Variants in UBE2B observed in about 807,000 individuals in gnomAD.
The protein encoded by UBE2B is ubiquitin-conjugating enzyme E2 B.
In UBE2B, 11 loss-of-function variants were observed where a neutral mutation model predicts 24.6. The ratio of observed to expected loss-of-function variants is 0.45; its 90% CI spans 0.28 to 0.74. The LOEUF (loss-of-function observed/expected upper bound fraction) is 0.74. UBE2B is among the 30% of genes least tolerant of loss of function. The pLI, the probability that UBE2B is intolerant of heterozygous loss-of-function variation, is 0.13. For missense variants in UBE2B, 78 were observed against 185.6 expected, an observed-to-expected ratio of 0.42 and a Z score of 3.37; for synonymous variants, 68 against 62.4, an observed-to-expected ratio of 1.09 and a Z score of -0.42.
rs185561979 is a variant in UBE2B, at chr5:134,380,596, C to T, written c.152-123C>T. On this transcript the variant is annotated intron_variant, in intron 3 of 5. Transcript: ENST00000265339. ...AGTATATTTAGGATGTTTTGTATGC[C>T]GAACCAACGTTGACATACTAACTTT... 7.4e-5 allele frequency: 48 copies of T among 644,516 alleles called. No homozygotes were observed. In the Admixed American group the frequency reaches 1.0e-3, roughly 14 times the overall value. The allele number at this position is 644,516 out of a possible 1,614,324, so 39.9% of individuals were successfully genotyped here. A position where few individuals can be genotyped will look rare whatever the true frequency, so the allele number is the denominator to read the frequency against.
chr5:134,381,068 G>C (rs1337454236), intron 4 of UBE2B, among the ~76,000 whole-genome samples: 1 of 142,002 alleles, frequency 7.0e-6, no homozygotes. Context: ...CCGGGTTCAC[G>C]CCATTCTCCT....
chr5:134,386,215 C>T (rs773399623), intron 4 of UBE2B, among the ~76,000 whole-genome samples: 3 of 150,130 alleles, frequency 2.0e-5, no homozygotes, highest in Non-Finnish European at 4.4e-5. Flanking sequence ...GTGATCCCAG[C>T]TACTCGGGAG....
At chr5:134,380,954 GATTTT>G in intron 4 of UBE2B, 146 bp downstream of exon 4, 1 of 218,746 alleles carries the variant, frequency 4.6e-6, no homozygotes, top group Non-Finnish European at 8.3e-6. Context: ...TTTTGTTGTG[GATTTT>G]TTTTTTTTTT....
rs1554114519 is a variant in UBE2B, at chr5:134,383,473, C to CTATTTTTTT, written c.241+2666_241+2667insATTTTTTTT. Reference sequence around the variant, plus strand: ...TGCAGATGTGTGCCACCATACCCAGCTTTTTTTTTTTTTTTTTTTTTTTTT... The same window carrying CTATTTTTTT: ...TGCAGATGTGTGCCACCATACCCAGCTATTTTTTTTTTTTTTTTTTTTTTTTTTTTTTTT... On this transcript the variant is annotated intron_variant, in intron 4 of 5. Coordinates refer to ENST00000265339, the MANE Select transcript of UBE2B (RefSeq NM_003337.4). 1.0e-4 allele frequency among the ~76,000 whole-genome samples: 8 copies of CTATTTTTTT among 80,040 alleles called. 1 individual carries two copies. Among genetic ancestry groups the CTATTTTTTT allele is most frequent in the African/African-American group, 4.3e-4 (8 of 18,438 alleles). 52.5% of individuals were successfully genotyped at this position (80,040 alleles called of 152,430 possible).
intron 3 of UBE2B, among the ~76,000 whole-genome samples, chr5:134,378,516 C>G (rs1758648487): frequency 1.3e-5 from 2 of 152,164 alleles, no homozygotes; most frequent in African/African-American, 4.8e-5. Flanking sequence ...CCCACCTTGG[C>G]CACCCGAAGT....
Position 134,376,322 on chromosome 5 carries a change from C to CAA in UBE2B, c.126-321_126-320dup, listed in dbSNP as rs1176500916. 2.7e-3 allele frequency among the ~76,000 whole-genome samples: 20 copies of CAA among 7,464 alleles called. 2 individuals are homozygous for CAA. Among genetic ancestry groups the CAA allele is most frequent in the African/African-American group, 6.0e-3 (14 of 2,332 alleles). The allele number at this position is 7,464 out of a possible 152,430, so 4.9% of individuals were successfully genotyped here. A position where few individuals can be genotyped will look rare whatever the true frequency, so the allele number is the denominator to read the frequency against. On this transcript the variant is annotated intron_variant, in intron 2 of 5. Transcript: ENST00000265339. The stretch of plus-strand genomic sequence containing the variant: ...GGGGGACAAGAGCAAAACTCCGTCT[C>CAA]AAAAAAAAAAAAAAAAAAAAAAAAA...
intron 4 of UBE2B, among the ~76,000 whole-genome samples, chr5:134,386,607 G>A (rs983108389): frequency 6.6e-6 from 1 of 151,552 alleles, no homozygotes; most frequent in Non-Finnish European, 1.5e-5. Flanking sequence ...ACTCCATCCT[G>A]GGCAACAAGA....
At chr5:134,388,825 A>G (rs1477202046) in intron 5 of UBE2B, among the ~76,000 whole-genome samples, 2 of 152,272 alleles carry the variant, frequency 1.3e-5, no homozygotes, top group East Asian at 1.9e-4. Context: ...AGATCTTTGA[A>G]TGAAAATTTA....
intron 3 of UBE2B, among the ~76,000 whole-genome samples, chr5:134,378,822 G>T (rs570577711): frequency 6.6e-6 from 1 of 151,760 alleles, no homozygotes; most frequent in Non-Finnish European, 1.5e-5. Flanking sequence ...CCAGCTACTC[G>T]GGAGACTGAG....
chr5:134,375,753 T>C (rs1314667100), intron 2 of UBE2B, among the ~76,000 whole-genome samples: 1 of 140,444 alleles, frequency 7.1e-6, no homozygotes, highest in Non-Finnish European at 1.5e-5. Context: ...TGAGCCGAGA[T>C]TGCGCCACTG....
At chr5:134,378,259 G>A (rs34116834) in intron 3 of UBE2B, among the ~76,000 whole-genome samples, 2 of 151,586 alleles carry the variant, frequency 1.3e-5, no homozygotes, top group African/African-American at 2.4e-5. Flanking sequence ...ATCTATGTGG[G>A]TTTTTTTTGT....
At chr5:134,386,096 G>T in intron 4 of UBE2B, among the ~76,000 whole-genome samples, 1 of 151,536 alleles carries the variant, frequency 6.6e-6, no homozygotes. Flanking sequence ...GGAGACCGAG[G>T]TGGGCAGATC....
At chr5:134,371,742 C>G in intron 1 of UBE2B, 103 bp downstream of exon 1, 1 of 1,532,516 alleles carries the variant, frequency 6.5e-7, no homozygotes, top group Non-Finnish European at 8.9e-7. Context: ...AGAGGGCCGG[C>G]TGTGGGCCCA....
At chr5:134,383,848 T>G (rs1430497604) in intron 4 of UBE2B, among the ~76,000 whole-genome samples, 1 of 152,110 alleles carries the variant, frequency 6.6e-6, no homozygotes, top group African/African-American at 2.4e-5. Context: ...TAGACTAAGT[T>G]TTTTAAACGT....
chr5:134,389,551 CT>C (rs985767264), intron 5 of UBE2B, among the ~76,000 whole-genome samples: 162 of 139,404 alleles, frequency 1.2e-3, no homozygotes, highest in Non-Finnish European at 1.6e-3. Context: ...TTTCTTTTTT[CT>C]TTTTTTTTTT....
chr5:134,381,366 C>T (rs1758707019), intron 4 of UBE2B, among the ~76,000 whole-genome samples: 1 of 152,166 alleles, frequency 6.6e-6, no homozygotes, highest in Non-Finnish European at 1.5e-5. Flanking sequence ...AGTAATCCTC[C>T]TGCCTCAGAC....
At position 134,388,408 on chromosome 5, in the gene UBE2B, A is replaced by G. The variant is rs370904887; in HGVS notation, c.325A>G (p.Ile109Val). 5 of 1,613,138 alleles carry G rather than the reference A, an allele frequency of 3.1e-6. No homozygotes were observed. The highest frequency in any genetic ancestry group is 2.2e-5 in the East Asian group (1 of 44,868). The change falls in exon 5 of 6, where the codon ATT becomes GTT. Residue 109 changes from isoleucine (I) to valine (V), a missense_variant. Ile to Val is a conservative substitution (Grantham distance 29, BLOSUM62 3). Transcript: ENST00000265339. The stretch of plus-strand genomic sequence containing the variant: ...TGATGTATCTTCTATCTTAACATCA[A>G]TTCAGGTAAGTGTGTGTTAGGATGT... ...TYDVSSILTS[I>V]QSLLDEPNPN...
intron 2 of UBE2B, among the ~76,000 whole-genome samples, chr5:134,376,251 G>A (rs1406222107): frequency 6.4e-5 from 9 of 140,870 alleles, no homozygotes; most frequent in Admixed American, 5.9e-4. Context: ...GAATCCAGGA[G>A]AAGGAGGTTG....
At chr5:134,380,874 T>C (rs924396375) in intron 4 of UBE2B, 66 bp downstream of exon 4, 1 of 1,089,114 alleles carries the variant, frequency 9.2e-7, no homozygotes, top group African/African-American at 1.6e-5. Context: ...TCCTTTTAGC[T>C]CTTTCACCTT....
Sources: gnomAD v4.1 joint callset for allele counts (sites outside exome capture counted in the v4.1 genomes callset) on GRCh38, gnomAD v4.1.1 for gene constraint, MANE v1.5 for transcripts, NCBI Gene and HGNC (gene_info 2026-07-23, HGNC 2026-07-21) for gene names.